Variants in ADAMTS2 observed in about 807,000 individuals in gnomAD.
ADAMTS2 encodes A disintegrin and metalloproteinase with thrombospondin motifs 2.
Under a neutral mutation model 123.0 loss-of-function variants are expected in ADAMTS2, and 50 were observed. The observed-to-expected ratio is 0.41, with a 90% confidence interval of 0.32 to 0.51. The LOEUF is 0.51. ADAMTS2 is among the 20% of genes least tolerant of loss of function. The pLI, the probability that ADAMTS2 is intolerant of heterozygous loss-of-function variation, is 0.35. For synonymous variants in ADAMTS2, 678 were observed against 695.4 expected (o/e 0.98, Z 0.39); for missense variants, 1,494 against 1,705.2 (o/e 0.88, Z 2.18).
Position 179,242,555 on chromosome 5 carries a change from G to C in ADAMTS2, c.688+30356C>G, listed in dbSNP as rs947322133. 6.6e-6 allele frequency among the ~76,000 whole-genome samples: 1 copy of C among 152,092 alleles called. No individual in the cohort carries two copies. The highest frequency in any genetic ancestry group is 1.5e-5 in the Non-Finnish European group (1 of 68,026). On this transcript the variant is annotated intron_variant, in intron 3 of 21. Coordinates refer to ENST00000251582, the MANE Select transcript of ADAMTS2 (RefSeq NM_014244.5). This position sits in a 1 kb window ranked among gnomAD's most constrained non-coding sequence, Gnocchi z 4.2. ...AAAGTCTCTAGAAATTATCCTAAGA[G>C]CACACAACAAACTAAGCAACATCAT...
intron 3 of ADAMTS2, among the ~76,000 whole-genome samples, chr5:179,258,904 C>T (rs1466062370): frequency 6.6e-6 from 1 of 152,158 alleles, no homozygotes; most frequent in African/African-American, 2.4e-5. Context: ...CCAGGACTCC[C>T]AACACCCTTC....
chr5:179,218,170 A>T (rs1765046695), intron 3 of ADAMTS2, among the ~76,000 whole-genome samples: 1 of 152,184 alleles, frequency 6.6e-6, no homozygotes, highest in Non-Finnish European at 1.5e-5. Flanking sequence ...TCCTGCACAC[A>T]AGCACTGCCA....
rs1039498254 is a variant in ADAMTS2 at position 179,204,845 on chromosome 5, G to A, written c.891+2668C>T. On this transcript the variant is annotated intron_variant, in intron 4 of 21. Transcript: ENST00000251582. ...GCCCCGGGACTCTCTGCCACGCCCC[G>A]CCGCCTCTGCAGGACACCCCCACTG... Among the ~76,000 whole-genome samples, 5 of 152,236 alleles carry A rather than the reference G, an allele frequency of 3.3e-5. No homozygotes were observed. In the East Asian group the frequency reaches 5.8e-4, roughly 18 times the overall value.
chr5:179,241,543 C>T (rs78922532), intron 3 of ADAMTS2, among the ~76,000 whole-genome samples: 5,605 of 152,266 alleles, frequency 0.037, 348 homozygotes, highest in African/African-American at 0.12. Flanking sequence ...ACGTTCAAAA[C>T]GACATGAAAA....
intron 18 of ADAMTS2, among the ~76,000 whole-genome samples, chr5:179,125,562 A>C (rs1762839351): frequency 1.3e-5 from 2 of 152,178 alleles, no homozygotes; most frequent in African/African-American, 4.8e-5. Flanking sequence ...GCTCAAGAGC[A>C]GTGTGGATTC....
Position 179,345,346 on chromosome 5 carries a change from CG to C in ADAMTS2, c.-19del. ...GGATCCATGGCAGCCGGACTGCAGC[CG>C]GGGCCCCGCACTCGCAGCCGGCGCG... On this transcript the variant is annotated 5_prime_UTR_variant, in exon 1 of 22. Coordinates refer to ENST00000251582, the MANE Select transcript of ADAMTS2 (RefSeq NM_014244.5). The surrounding 1 kb of genome is among the most constrained non-coding windows in gnomAD (Gnocchi z 7.5). 2 of 1,131,794 alleles carry C rather than the reference CG, an allele frequency of 1.8e-6. No individual in the cohort carries two copies. The highest frequency in any genetic ancestry group is 2.2e-6 in the Non-Finnish European group (2 of 923,994). The allele number at this position is 1,131,794 out of a possible 1,614,324, so 70.1% of individuals were successfully genotyped here.
rs1232038537 is a variant in ADAMTS2 at position 179,207,505 on chromosome 5, C to G, written c.891+8G>C. 6.2e-7 allele frequency: 1 copy of G among 1,605,832 alleles called. No individual in the cohort carries two copies. The highest frequency in any genetic ancestry group is 1.7e-4 in the Middle Eastern group (1 of 6,048). On this transcript the variant is annotated splice_region_variant and intron_variant, in intron 4 of 21. Coordinates refer to ENST00000251582, the MANE Select transcript of ADAMTS2 (RefSeq NM_014244.5). Reference sequence around the variant, plus strand: ...GCCCCACCCTGCCCCCTCAGCCACCCCACTCACAATGTTCATGAGTGTCAG... The same window carrying G: ...GCCCCACCCTGCCCCCTCAGCCACCGCACTCACAATGTTCATGAGTGTCAG...
chr5:179,127,084 C>T (rs1303598153), intron 17 of ADAMTS2, among the ~76,000 whole-genome samples: 1 of 152,184 alleles, frequency 6.6e-6, no homozygotes, highest in Non-Finnish European at 1.5e-5. Context: ...AAGAGAGAGA[C>T]ATTGTCTGAT....
rs987272784 is a variant in ADAMTS2, at chr5:179,152,145, G to C, written c.1626C>G (p.Gly542=). 5 of 1,613,296 alleles carry C rather than the reference G, an allele frequency of 3.1e-6. No individual in the cohort carries two copies. Among genetic ancestry groups the C allele is most frequent in the Non-Finnish European group, 3.4e-6 (4 of 1,179,324 alleles). The change falls in exon 10 of 22, where the codon GGC becomes GGG. Residue 542 remains glycine, a synonymous_variant. Transcript: ENST00000251582. ...PPLDGTMCAP[G]KHCFKGHCIW... ...AGAGCCCTTGATGCTGCCTCACCTT[G>C]CCAGGTGCACACATAGTCCCGTCCA...
chr5:179,173,599 A>G (rs1691938367), intron 5 of ADAMTS2, among the ~76,000 whole-genome samples: 1 of 152,230 alleles, frequency 6.6e-6, no homozygotes, highest in Non-Finnish European at 1.5e-5. Context: ...CATGAGAGAT[A>G]ATGCCATGAC....
intron 3 of ADAMTS2, among the ~76,000 whole-genome samples, chr5:179,264,081 C>T (rs541617290): frequency 4.6e-5 from 7 of 152,278 alleles, no homozygotes; most frequent in South Asian, 2.1e-4. Flanking sequence ...GGCCTGTCCT[C>T]GCTGCTGCTG....
At chr5:179,257,353 G>A (rs552356641) in intron 3 of ADAMTS2, among the ~76,000 whole-genome samples, 1 of 152,340 alleles carries the variant, frequency 6.6e-6, no homozygotes, top group South Asian at 2.1e-4. Context: ...GGCTGCGGGG[G>A]CCTGGAGGAC....
At chr5:179,209,993 C>T (rs1014017986) in intron 3 of ADAMTS2, among the ~76,000 whole-genome samples, 1 of 152,216 alleles carries the variant, frequency 6.6e-6, no homozygotes, top group Admixed American at 6.5e-5. Flanking sequence ...ACCACAGAGG[C>T]ACTCGTTGAG....
intron 5 of ADAMTS2, among the ~76,000 whole-genome samples, chr5:179,178,500 A>G (rs1453212848): frequency 6.6e-6 from 1 of 152,230 alleles, no homozygotes; most frequent in Non-Finnish European, 1.5e-5. Flanking sequence ...AGAGCCTCCC[A>G]ACAGCTTCCT....
intron 2 of ADAMTS2, among the ~76,000 whole-genome samples, chr5:179,275,775 G>A (rs550172260): frequency 2.0e-5 from 3 of 152,234 alleles, no homozygotes; most frequent in Non-Finnish European, 2.9e-5. Flanking sequence ...TACCGACTTC[G>A]GACGTCCGGC....
intron 10 of ADAMTS2, among the ~76,000 whole-genome samples, chr5:179,144,663 C>T (rs774032886): frequency 3.3e-5 from 5 of 152,196 alleles, no homozygotes; most frequent in Non-Finnish European, 5.9e-5. Flanking sequence ...GTCTCTTCAA[C>T]GAATGGTTCT....
chr5:179,232,361 A>G (rs1447476231), intron 3 of ADAMTS2, among the ~76,000 whole-genome samples: 2 of 152,224 alleles, frequency 1.3e-5, no homozygotes, highest in Non-Finnish European at 2.9e-5. Context: ...CACCTCGTCT[A>G]TAGTTGCCCA....
At position 179,285,281 on chromosome 5, in the gene ADAMTS2, GGA is replaced by G. The variant is rs1469436486; in HGVS notation, c.535-12219_535-12218del. Reference sequence around the variant, plus strand: ...AAAACAGACAATTCATGTGAAGACAGGAGAGACGGAAAGGGGGAGAGCACAGA... The same window carrying G: ...AAAACAGACAATTCATGTGAAGACAGGAGACGGAAAGGGGGAGAGCACAGA... On this transcript the variant is annotated intron_variant, in intron 2 of 21. Transcript: ENST00000251582. This position sits in a 1 kb window ranked among gnomAD's most constrained non-coding sequence, Gnocchi z 4.9. Among the ~76,000 whole-genome samples, 2 of 152,226 alleles carry G rather than the reference GGA, an allele frequency of 1.3e-5. No homozygotes were observed. Among genetic ancestry groups the G allele is most frequent in the African/African-American group, 2.4e-5 (1 of 41,456 alleles).
In ADAMTS2 at chr5:179,314,718, CT is replaced by C. The variant is rs1329763208; in HGVS notation, c.534+29048del. 6.6e-6 allele frequency among the ~76,000 whole-genome samples: 1 copy of C among 152,158 alleles called. No homozygotes were observed. Among genetic ancestry groups the C allele is most frequent in the African/African-American group, 2.4e-5 (1 of 41,416 alleles). On this transcript the variant is annotated intron_variant, in intron 2 of 21. Coordinates refer to ENST00000251582, the MANE Select transcript of ADAMTS2 (RefSeq NM_014244.5). The surrounding 1 kb of genome is among the most constrained non-coding windows in gnomAD (Gnocchi z 4.5). Reference sequence around the variant, plus strand: ...GGCTTCCACGCTCTTCCACCAAGCCCTTGTAGCCTTCCTGCACCCAGGTGGG... The same window carrying C: ...GGCTTCCACGCTCTTCCACCAAGCCCTGTAGCCTTCCTGCACCCAGGTGGG...
Sources: allele counts gnomAD v4.1 joint callset (sites outside exome capture counted in the v4.1 genomes callset), GRCh38; gene constraint gnomAD v4.1.1; non-coding constraint Gnocchi (gnomAD v3.1); transcripts MANE v1.5; gene names NCBI Gene and HGNC (gene_info 2026-07-23, HGNC 2026-07-21).